The following RANBP2 variants were observed in gnomAD, a reference collection of about 807,000 sequenced individuals.
RANBP2 encodes E3 SUMO-protein ligase RanBP2.
A neutral mutation model predicts 303.6 loss-of-function variants in RANBP2; 57 were observed. The observed-to-expected ratio is 0.19, with a 90% CI of 0.15 to 0.23. RANBP2 has a LOEUF of 0.23. Among genes scored for constraint, RANBP2 ranks in the 10% least tolerant of loss-of-function variants. The pLI, the probability that RANBP2 is intolerant of heterozygous loss-of-function variation, is 1.00. For missense variants in RANBP2, 3,138 were observed against 3,780.8 expected, an observed-to-expected ratio of 0.83 and a Z score of 4.46; for synonymous variants, 1,167 against 1,301.5, an observed-to-expected ratio of 0.90 and a Z score of 2.23.
At chr2:109,119,514 C>T in the RANBP2 span, among the ~76,000 whole-genome samples, 1 of 152,184 alleles carries the variant, frequency 6.6e-6, no homozygotes, top group Non-Finnish European at 1.5e-5. Context: ...TGTGATTATG[C>T]TGGAAGCTTT....
Position 108,766,827 on chromosome 2 carries a change from G to A in RANBP2, c.6288G>A (p.Lys2096=). The A allele has an allele frequency of 6.2e-7, 1 of 1,611,894 alleles. No individual in the cohort carries two copies. Among genetic ancestry groups the A allele is most frequent in the Non-Finnish European group, 8.5e-7 (1 of 1,179,858 alleles). The change falls in exon 20 of 29, where the codon AAG becomes AAA. Residue 2096 remains lysine, a synonymous_variant. Coordinates refer to ENST00000283195, the MANE Select transcript of RANBP2 (RefSeq NM_006267.5). ...NHWITTTMNL[K]PLSGSDRAWM... is the part of the protein sequence containing the mutation. ...GGATAACGACTACGATGAACCTGAA[G>A]CCTCTCTCTGGATCAGATAGAGCAT...
chr2:109,062,025 G>A, the RANBP2 span, among the ~76,000 whole-genome samples: 11 of 152,152 alleles, frequency 7.2e-5, no homozygotes, highest in African/African-American at 1.4e-4. Context: ...CTCCAGCCCC[G>A]AAAGTCTGGT....
chr2:109,459,754 C>G, the RANBP2 span, among the ~76,000 whole-genome samples: 726 of 152,234 alleles, frequency 4.8e-3, 4 homozygotes, highest in African/African-American at 0.017. Context: ...CTGGTGGCAA[C>G]ATTCCTCCCC....
chr2:108,931,413 G>A, the RANBP2 span, among the ~76,000 whole-genome samples: 4 of 152,226 alleles, frequency 2.6e-5, no homozygotes, highest in Non-Finnish European at 5.9e-5. Context: ...GACTTAGGAG[G>A]ACCCCTGGAG....
At chr2:109,433,493 C>G in the RANBP2 span, among the ~76,000 whole-genome samples, 322 of 152,332 alleles carry the variant, frequency 2.1e-3, 2 homozygotes, top group Non-Finnish European at 1.9e-3. Context: ...CTCACAGAAG[C>G]CCCTCGTGGG....
At chr2:108,752,842 T>G (rs1676008829) in intron 12 of RANBP2, among the ~76,000 whole-genome samples, 156 bp from the exon 13 acceptor site, 1 of 152,010 alleles carries the variant, frequency 6.6e-6, no homozygotes, top group Non-Finnish European at 1.5e-5. Flanking sequence ...TTAAGGTGGT[T>G]TAGTTATTAC....
the RANBP2 span, among the ~76,000 whole-genome samples, chr2:108,825,948 T>G: frequency 1.3e-5 from 2 of 152,236 alleles, no homozygotes; most frequent in African/African-American, 4.8e-5. Context: ...ATTTTTGTCA[T>G]CTCAGTGAGT....
At chr2:109,350,800 C>G in the RANBP2 span, among the ~76,000 whole-genome samples, 1 of 152,332 alleles carries the variant, frequency 6.6e-6, no homozygotes, top group South Asian at 2.1e-4. Context: ...GGTGCTGGTT[C>G]ATGCCAGCTT....
chr2:109,680,786 G>A, the RANBP2 span, among the ~76,000 whole-genome samples: 6 of 152,110 alleles, frequency 3.9e-5, no homozygotes, highest in African/African-American at 1.4e-4. Flanking sequence ...ATTTAATAGA[G>A]AAGTAGGACT....
At chr2:109,549,757 T>C in the RANBP2 span, among the ~76,000 whole-genome samples, 1 of 152,136 alleles carries the variant, frequency 6.6e-6, no homozygotes, top group South Asian at 2.1e-4. Flanking sequence ...TAGACACCTA[T>C]AGTAAAGTTA....
At chr2:109,454,043 C>T in the RANBP2 span, among the ~76,000 whole-genome samples, 60 of 152,322 alleles carry the variant, frequency 3.9e-4, no homozygotes, top group African/African-American at 1.4e-3. Flanking sequence ...CTTAAATATC[C>T]TGTAACTTAA....
At chr2:108,833,082 A>G in the RANBP2 span, among the ~76,000 whole-genome samples, 1 of 152,370 alleles carries the variant, frequency 6.6e-6, no homozygotes, top group African/African-American at 2.4e-5. Context: ...AACTGGAGTA[A>G]AGAGATCAGT....
chr2:109,236,028 A>G, the RANBP2 span, among the ~76,000 whole-genome samples: 1 of 152,080 alleles, frequency 6.6e-6, no homozygotes, highest in Non-Finnish European at 1.5e-5. Context: ...TATAATATGC[A>G]TGCTCACTGC....
At chr2:109,765,803 T>C in the RANBP2 span, among the ~76,000 whole-genome samples, 1 of 150,952 alleles carries the variant, frequency 6.6e-6, no homozygotes, top group Non-Finnish European at 1.5e-5. Context: ...TGCTTTTGCT[T>C]GTCTTCAAAT....
the RANBP2 span, among the ~76,000 whole-genome samples, chr2:109,100,732 T>C: frequency 4.6e-5 from 7 of 151,734 alleles, no homozygotes; most frequent in Non-Finnish European, 7.4e-5. Context: ...GAATTGAAGT[T>C]ATAATAAAGG....
the RANBP2 span, among the ~76,000 whole-genome samples, chr2:109,474,369 G>A: frequency 4.6e-5 from 7 of 152,174 alleles, no homozygotes; most frequent in Non-Finnish European, 8.8e-5. Context: ...GGCTGTAAGT[G>A]TGAGCTAGCT....
At chr2:109,019,533 A>T in the RANBP2 span, among the ~76,000 whole-genome samples, 1 of 152,158 alleles carries the variant, frequency 6.6e-6, no homozygotes, top group African/African-American at 2.4e-5. Flanking sequence ...TGGCTTCTCC[A>T]GGATGCCTGA....
the RANBP2 span, chr2:108,884,654 G>A: frequency 3.3e-5 from 5 of 152,182 alleles, no homozygotes; most frequent in Admixed American, 3.3e-4. Flanking sequence ...TTTGGCCAAG[G>A]AGCAAATGAC....
At chr2:108,752,585 AAC>A (rs1675973590) in intron 12 of RANBP2, among the ~76,000 whole-genome samples, 1 of 148,132 alleles carries the variant, frequency 6.8e-6, no homozygotes, top group African/African-American at 2.5e-5. Context: ...ATTCCTGGCT[AAC>A]ACGGTGAAAC....
Sources: gnomAD v4.1 joint callset for allele counts (sites outside exome capture counted in the v4.1 genomes callset) on GRCh38, gnomAD v4.1.1 for gene constraint, MANE v1.5 for transcripts, NCBI Gene and HGNC (gene_info 2026-07-23, HGNC 2026-07-21) for gene names.